DSE: variants seen among roughly 807,000 people sequenced by gnomAD.
The protein encoded by DSE is dermatan-sulfate epimerase.
A neutral mutation model predicts 84.4 loss-of-function variants in DSE; 36 were observed. The ratio of observed to expected loss-of-function variants is 0.43; its 90% CI spans 0.33 to 0.56. The LOEUF (loss-of-function observed/expected upper bound fraction) is 0.56. Ranked by LOEUF, DSE falls within the 20% of genes least tolerant of loss-of-function variation. DSE has a pLI of 0.06. For missense variants in DSE, 862 were observed against 1,169.6 expected (o/e 0.74, Z 3.84); for synonymous variants, 410 against 430.1 (o/e 0.95, Z 0.58).
intron 2 of DSE, among the ~76,000 whole-genome samples, chr6:116,408,366 G>A (rs1450605351): frequency 1.3e-5 from 2 of 152,122 alleles, no homozygotes; most frequent in African/African-American, 2.4e-5. Flanking sequence ...AGCTTATTGA[G>A]GGTAGCCCCA....
chr6:116,413,150 G>T (rs1162470868), intron 2 of DSE, among the ~76,000 whole-genome samples: 1 of 152,138 alleles, frequency 6.6e-6, no homozygotes. Context: ...TAGTAGTGCA[G>T]TGGACGCACA....
At chr6:116,374,616 A>G (rs1401475411) in intron 1 of DSE, among the ~76,000 whole-genome samples, 1 of 152,178 alleles carries the variant, frequency 6.6e-6, no homozygotes, top group Non-Finnish European at 1.5e-5. Context: ...TTTTACAGTT[A>G]TGGAGCCCAA....
chr6:116,443,647 A>G lies in DSE; in HGVS notation c.*6302A>G, dbSNP rs376322422. ...AAAGTAAAAGTGCTGCTCCTTCTGC[A>G]TATCTCTAGAAATTTGTTATGGGGA... On this transcript the variant is annotated 3_prime_UTR_variant, in exon 6 of 6. Transcript: ENST00000644252. 224 of 152,354 alleles carry G rather than the reference A, an allele frequency of 1.5e-3. 3 individuals are homozygous for G. Among genetic ancestry groups the G allele is most frequent in the African/African-American group, 4.7e-3 (196 of 41,582 alleles). 9.4% of individuals were successfully genotyped at this position (152,354 alleles called of 1,614,324 possible). A position where few individuals can be genotyped will look rare whatever the true frequency, so the allele number is the denominator to read the frequency against.
At chr6:116,425,869 G>A (rs111555982) in intron 2 of DSE, among the ~76,000 whole-genome samples, 1,708 of 152,158 alleles carry the variant, frequency 0.011, 35 homozygotes, top group African/African-American at 0.039. Flanking sequence ...TGATCCGCCC[G>A]TCTCGGCCTC....
chr6:116,261,011 C>A (rs1772390843), intron 2 of DSE, among the ~76,000 whole-genome samples: 3 of 152,076 alleles, frequency 2.0e-5, no homozygotes, highest in African/African-American at 7.2e-5. Context: ...TTTTCTAGTT[C>A]TGTGAAGAAT....
intron 2 of DSE, chr6:116,259,221 G>A: frequency 1.6e-6 from 1 of 618,392 alleles, no homozygotes; most frequent in Non-Finnish European, 2.8e-6. Flanking sequence ...AAAAATAAAA[G>A]GAAAGTAATT....
chr6:116,380,896 C>G (rs1011302361), intron 1 of DSE, among the ~76,000 whole-genome samples: 3 of 152,102 alleles, frequency 2.0e-5, no homozygotes, highest in Non-Finnish European at 2.9e-5. Flanking sequence ...CTTACCGACC[C>G]TTTTTTAATG....
At chr6:116,397,207 C>CTTTT (rs11296951) in intron 1 of DSE, among the ~76,000 whole-genome samples, 183 of 105,106 alleles carry the variant, frequency 1.7e-3, no homozygotes, top group Middle Eastern at 5.4e-3. Flanking sequence ...CTCTTTCTTT[C>CTTTT]TTTTTTTTTT....
At position 116,441,684 on chromosome 6, in the gene DSE, T is replaced by C. The variant is rs2115110219; in HGVS notation, c.*4339T>C. On this transcript the variant is annotated 3_prime_UTR_variant, in exon 6 of 6. Transcript: ENST00000644252. ...TTGATGTCTCCACTTCCATTCTCTG[T>C]GTCATTTTGAAAATCTATTTGCTGT... 6.6e-6 allele frequency: 1 copy of C among 152,342 alleles called. No individual in the cohort carries two copies. The highest frequency in any genetic ancestry group is 1.5e-5 in the Non-Finnish European group (1 of 68,030). 9.4% of individuals were successfully genotyped at this position (152,342 alleles called of 1,614,324 possible).
intron 2 of DSE, among the ~76,000 whole-genome samples, chr6:116,316,443 A>G (rs1775980784): frequency 1.3e-5 from 2 of 152,178 alleles, no homozygotes; most frequent in African/African-American, 4.8e-5. Context: ...ACCACAGTAT[A>G]ATTTCAAGAC....
chr6:116,291,147 T>C (rs1774256519), intron 2 of DSE, among the ~76,000 whole-genome samples: 2 of 152,120 alleles, frequency 1.3e-5, no homozygotes, highest in Non-Finnish European at 2.9e-5. Flanking sequence ...GACCACAGTG[T>C]TGTGGAGAAG....
chr6:116,279,385 T>TCCGCCC, intron 2 of DSE: 1 of 1,612,812 alleles, frequency 6.2e-7, no homozygotes, highest in Admixed American at 1.7e-5. Flanking sequence ...CGCCTCAGCC[T>TCCGCCC]CCGCCCCCGC....
intron 1 of DSE, among the ~76,000 whole-genome samples, chr6:116,376,164 A>AGACC (rs1174745861): frequency 1.3e-5 from 2 of 152,208 alleles, no homozygotes; most frequent in Non-Finnish European, 2.9e-5. Context: ...GGCTATTTAC[A>AGACC]GACCCCCTTT....
intron 2 of DSE, among the ~76,000 whole-genome samples, chr6:116,410,535 C>A (rs1297779559): frequency 6.6e-6 from 1 of 151,922 alleles, no homozygotes; most frequent in African/African-American, 2.4e-5. Flanking sequence ...AGATCGAGAC[C>A]ATCATGGCTA....
intron 2 of DSE, among the ~76,000 whole-genome samples, chr6:116,264,602 C>G (rs907550808): frequency 6.6e-6 from 1 of 152,032 alleles, no homozygotes; most frequent in African/African-American, 2.4e-5. Flanking sequence ...AGTTCAGAAC[C>G]CTTACTGGAG....
chr6:116,370,101 T>G, upstream of DSE: 1 of 487,750 alleles, frequency 2.1e-6, no homozygotes, highest in Non-Finnish European at 3.3e-6. Context: ...CAGTGGCTGA[T>G]TTTTGGAAAA....
chr6:116,279,882 C>G (rs2114637754), intron 2 of DSE: 10 of 1,612,476 alleles, frequency 6.2e-6, no homozygotes, highest in Non-Finnish European at 8.5e-6. Flanking sequence ...CCTCAGAGGC[C>G]GAACTGGGAG....
rs1171484001 is a variant in DSE at position 116,321,256 on chromosome 6, C to A, written c.-54+62289C>A. Reference sequence around the variant, plus strand: ...TTGTGTAAGCATAGCTCACTGCAGTCTTGAACACCTGTGCTCAAGTGATCC... The same window carrying A: ...TTGTGTAAGCATAGCTCACTGCAGTATTGAACACCTGTGCTCAAGTGATCC... On this transcript the variant is annotated intron_variant, in intron 2 of 3. Transcript: ENST00000430252. Among the ~76,000 whole-genome samples the A allele has an allele frequency of 4.0e-3, 3 of 746 alleles. No homozygotes were observed. The Admixed American group carries it at 0.042, about 10-fold the overall frequency. 0.5% of individuals were successfully genotyped at this position (746 alleles called of 152,430 possible). A position where few individuals can be genotyped will look rare whatever the true frequency, so the allele number is the denominator to read the frequency against.
chr6:116,295,779 C>T (rs1014296468), intron 2 of DSE, among the ~76,000 whole-genome samples: 3 of 151,938 alleles, frequency 2.0e-5, no homozygotes, highest in Non-Finnish European at 4.4e-5. Context: ...ATTTCCATTC[C>T]AAAAATAAGC....
Sources: gnomAD v4.1 joint callset for allele counts (sites outside exome capture counted in the v4.1 genomes callset) on GRCh38, gnomAD v4.1.1 for gene constraint, MANE v1.5 for transcripts, NCBI Gene and HGNC (gene_info 2026-07-23, HGNC 2026-07-21) for gene names.